Variants in COX7B2 observed in about 807,000 individuals in gnomAD.
COX7B2 encodes cytochrome c oxidase subunit 7B2, mitochondrial.
For missense variants in COX7B2, 109 were observed against 95.9 expected, an observed-to-expected ratio of 1.14 and a Z score of -0.57; for synonymous variants, 37 against 32.1, an observed-to-expected ratio of 1.15 and a Z score of -0.51.
intron 1 of COX7B2, among the ~76,000 whole-genome samples, chr4:46,904,778 A>G (rs1418098632): frequency 1.3e-5 from 2 of 152,172 alleles, no homozygotes; most frequent in East Asian, 1.9e-4. Flanking sequence ...AAAGTTTTCC[A>G]CATATTGAAA....
chr4:46,853,961 T>C (rs1214833937), intron 1 of COX7B2, among the ~76,000 whole-genome samples: 1 of 152,128 alleles, frequency 6.6e-6, no homozygotes, highest in Non-Finnish European at 1.5e-5. Context: ...AATAATTAAA[T>C]GTCTTACTTG....
At position 46,737,265 on chromosome 4, in the gene COX7B2, C is replaced by T. The variant is rs191603816; in HGVS notation, c.-49-2024G>A. On this transcript the variant is annotated intron_variant, in intron 2 of 2. Coordinates refer to ENST00000355591, the MANE Select transcript of COX7B2 (RefSeq NM_130902.3). ...TGGGAAGTATCTATTTCAGGCCTTT[C>T]GCTTATTTTAAAAATTCAGGTTGTT... Among the ~76,000 whole-genome samples the T allele has an allele frequency of 1.3e-3, 195 of 152,166 alleles. 1 individual carries two copies. Among genetic ancestry groups the T allele is most frequent in the Middle Eastern group, 3.4e-3 (1 of 294 alleles).
intron 2 of COX7B2, among the ~76,000 whole-genome samples, chr4:46,757,686 T>C (rs540147984): frequency 6.6e-6 from 1 of 152,236 alleles, no homozygotes; most frequent in South Asian, 2.1e-4. Context: ...GAATATAAAC[T>C]CCTATTCTTA....
chr4:46,804,574 G>C (rs941261604), intron 2 of COX7B2, among the ~76,000 whole-genome samples: 6 of 152,216 alleles, frequency 3.9e-5, no homozygotes, highest in African/African-American at 9.6e-5. Context: ...AGAGTAGCTA[G>C]AGTAGCTAGA....
chr4:46,852,284 A>G (rs1391742685), intron 1 of COX7B2, among the ~76,000 whole-genome samples: 3 of 152,122 alleles, frequency 2.0e-5, no homozygotes, highest in Admixed American at 2.0e-4. Context: ...GAGCTCCTTC[A>G]GATTGTCTCC....
In COX7B2 at chr4:46,883,776, TAA is replaced by T. The variant is rs112798647; in HGVS notation, c.-105+25382_-105+25383del. On this transcript the variant is annotated intron_variant, in intron 1 of 2. Transcript: ENST00000355591. ...TCTTCTATTAATCAGAATAAACCTT[TAA>T]AAAAAAAAAAACCTGAACATTAATT... is the stretch of plus-strand genomic sequence containing the variant. Among the ~76,000 whole-genome samples the T allele has an allele frequency of 6.9e-5, 10 of 145,152 alleles. No individual in the cohort carries two copies. The East Asian group carries it at 8.0e-4, about 12-fold the overall frequency.
At chr4:46,877,104 C>T (rs1209650867) in intron 1 of COX7B2, among the ~76,000 whole-genome samples, 1 of 152,036 alleles carries the variant, frequency 6.6e-6, no homozygotes, top group Non-Finnish European at 1.5e-5. Flanking sequence ...ATCTAAAATT[C>T]CTAAATACAA....
intron 2 of COX7B2, among the ~76,000 whole-genome samples, chr4:46,754,697 C>CGTGT (rs367614632): frequency 5.4e-5 from 4 of 73,848 alleles, no homozygotes; most frequent in Admixed American, 4.3e-4. Flanking sequence ...CAATAAAATA[C>CGTGT]GTGTGTGTGT....
intron 1 of COX7B2, among the ~76,000 whole-genome samples, chr4:46,852,773 G>A (rs1430235707): frequency 6.6e-6 from 1 of 152,090 alleles, no homozygotes; most frequent in Non-Finnish European, 1.5e-5. Flanking sequence ...ACAAAGCAAT[G>A]CTTTGCCATC....
chr4:46,743,272 C>T (rs1714820422), intron 2 of COX7B2, among the ~76,000 whole-genome samples: 1 of 152,156 alleles, frequency 6.6e-6, no homozygotes, highest in South Asian at 2.1e-4. Flanking sequence ...ATGTGCTAGT[C>T]CCTTAGTGTA....
At chr4:46,749,983 A>G (rs1560351110) in intron 2 of COX7B2, among the ~76,000 whole-genome samples, 1 of 152,308 alleles carries the variant, frequency 6.6e-6, no homozygotes, top group Admixed American at 6.5e-5. Flanking sequence ...TGTAAGGAGT[A>G]TGCCAAAGGA....
chr4:46,869,837 G>A (rs560289283), intron 1 of COX7B2, among the ~76,000 whole-genome samples: 49 of 152,194 alleles, frequency 3.2e-4, no homozygotes, highest in African/African-American at 1.2e-3. Flanking sequence ...TGGAAAATCT[G>A]ATGATTATGT....
chr4:46,905,854 G>A (rs531841589), intron 1 of COX7B2, among the ~76,000 whole-genome samples: 93 of 108,336 alleles, frequency 8.6e-4, no homozygotes, highest in South Asian at 2.6e-3. Context: ...ACGGAGTCTC[G>A]CTCTGTCGCC....
At chr4:46,815,984 T>C (rs941034325) in intron 2 of COX7B2, among the ~76,000 whole-genome samples, 1 of 152,190 alleles carries the variant, frequency 6.6e-6, no homozygotes, top group Non-Finnish European at 1.5e-5. Flanking sequence ...TCTCTCACTC[T>C]CAGGCAGGAA....
chr4:46,828,394 T>C (rs1714837019), intron 2 of COX7B2, among the ~76,000 whole-genome samples: 1 of 152,116 alleles, frequency 6.6e-6, no homozygotes, highest in Non-Finnish European at 1.5e-5. Context: ...ATTAACAAAA[T>C]TCAGAAAGTT....
intron 2 of COX7B2, among the ~76,000 whole-genome samples, chr4:46,797,516 C>T (rs1231932383): frequency 6.6e-6 from 1 of 152,110 alleles, no homozygotes; most frequent in Non-Finnish European, 1.5e-5. Context: ...GGTTCCCTGA[C>T]TATACAGTGA....
intron 1 of COX7B2, among the ~76,000 whole-genome samples, chr4:46,862,600 G>A (rs150987842): frequency 3.9e-5 from 6 of 152,164 alleles, no homozygotes; most frequent in East Asian, 3.9e-4. Context: ...AATGTCTTCC[G>A]AATTTTCAAA....
intron 2 of COX7B2, among the ~76,000 whole-genome samples, chr4:46,756,722 T>A (rs1201512162): frequency 6.6e-6 from 1 of 151,896 alleles, no homozygotes; most frequent in African/African-American, 2.4e-5. Flanking sequence ...ATCAGAGAAA[T>A]GCAAAGAAAA....
chr4:46,876,117 G>A (rs983024452), intron 1 of COX7B2, among the ~76,000 whole-genome samples: 1 of 151,960 alleles, frequency 6.6e-6, no homozygotes, highest in African/African-American at 2.4e-5. Context: ...TACATCTTAT[G>A]GATGCAAAGT....
Sources: allele counts gnomAD v4.1 joint callset (sites outside exome capture counted in the v4.1 genomes callset), GRCh38; gene constraint gnomAD v4.1.1; transcripts MANE v1.5; gene names NCBI Gene and HGNC (gene_info 2026-07-23, HGNC 2026-07-21).